The following FUT9 variants were observed in gnomAD, a reference collection of about 807,000 sequenced individuals.
The protein encoded by FUT9 is 4-galactosyl-N-acetylglucosaminide 3-alpha-L-fucosyltransferase 9.
Under a neutral mutation model 29.7 loss-of-function variants are expected in FUT9, and 15 were observed. The observed-to-expected ratio is 0.51, with a 90% CI of 0.34 to 0.78. FUT9 has a LOEUF of 0.78. Ranked by LOEUF, FUT9 falls within the 30% of genes least tolerant of loss-of-function variation. FUT9 has a pLI of 0.01. For synonymous variants in FUT9, 169 were observed against 153.7 expected (o/e 1.10, Z -0.74); for missense variants, 319 against 425.4 (o/e 0.75, Z 2.20).
At chr6:96,188,425 G>A (rs1773443573) in intron 2 of FUT9, among the ~76,000 whole-genome samples, 1 of 152,018 alleles carries the variant, frequency 6.6e-6, no homozygotes, top group Non-Finnish European at 1.5e-5. Flanking sequence ...GCCTTCCAAA[G>A]TGCTGGGATT....
chr6:96,079,709 C>A (rs899653880), intron 1 of FUT9, among the ~76,000 whole-genome samples: 5 of 151,940 alleles, frequency 3.3e-5, no homozygotes, highest in African/African-American at 1.2e-4. Flanking sequence ...AAAAACATCA[C>A]CTCCATCAGA....
At chr6:96,017,031 G>A (rs1769992894) in intron 1 of FUT9, among the ~76,000 whole-genome samples, 1 of 152,216 alleles carries the variant, frequency 6.6e-6, no homozygotes, top group South Asian at 2.1e-4. Flanking sequence ...ACCTGTTCCT[G>A]CGGAATTGGT....
intron 2 of FUT9, among the ~76,000 whole-genome samples, chr6:96,179,826 A>T (rs1773273417): frequency 6.6e-6 from 1 of 152,128 alleles, no homozygotes; most frequent in African/African-American, 2.4e-5. Context: ...TGAGTTTCTT[A>T]ATCTCGTACA....
At chr6:96,092,279 G>A (rs912031840) in intron 1 of FUT9, among the ~76,000 whole-genome samples, 5 of 152,026 alleles carry the variant, frequency 3.3e-5, no homozygotes, top group Admixed American at 2.0e-4. Flanking sequence ...ACATAATACT[G>A]AGTGCACCAG....
intron 1 of FUT9, among the ~76,000 whole-genome samples, chr6:96,063,412 GGA>G (rs1250395279): frequency 6.6e-6 from 1 of 152,072 alleles, no homozygotes; most frequent in Non-Finnish European, 1.5e-5. Flanking sequence ...CAGGAACAAG[GGA>G]GAGAGTATGG....
chr6:96,028,691 T>C (rs1467894869), intron 1 of FUT9, among the ~76,000 whole-genome samples: 1 of 151,522 alleles, frequency 6.6e-6, no homozygotes, highest in East Asian at 1.9e-4. Context: ...AATAGACAAT[T>C]AGCAAGTGAC....
chr6:96,104,385 A>G (rs1771640329), intron 1 of FUT9, among the ~76,000 whole-genome samples: 2 of 152,166 alleles, frequency 1.3e-5, no homozygotes, highest in Admixed American at 1.3e-4. Flanking sequence ...TTGATACTTT[A>G]TTTTAATTTT....
intron 2 of FUT9, among the ~76,000 whole-genome samples, chr6:96,136,603 A>G (rs1257031709): frequency 6.6e-6 from 1 of 151,972 alleles, no homozygotes; most frequent in Non-Finnish European, 1.5e-5. Flanking sequence ...CTATGTATCC[A>G]TTGAGTGATC....
At chr6:96,192,262 T>C (rs777257249) in intron 2 of FUT9, among the ~76,000 whole-genome samples, 41 of 152,158 alleles carry the variant, frequency 2.7e-4, no homozygotes, top group Non-Finnish European at 4.9e-4. Context: ...GAAGTCAAAT[T>C]GTCACTGTTT....
chr6:96,167,443 A>T (rs75697386), intron 2 of FUT9, among the ~76,000 whole-genome samples: 2,966 of 152,252 alleles, frequency 0.019, 86 homozygotes, highest in African/African-American at 0.067. Flanking sequence ...TGGAAATTGC[A>T]AATATAGCTA....
chr6:96,106,213 C>CCCTTCCTTCCTTCCTTCTTT (rs1771681626), intron 1 of FUT9, among the ~76,000 whole-genome samples: 1 of 137,142 alleles, frequency 7.3e-6, no homozygotes, highest in African/African-American at 2.6e-5. Flanking sequence ...AATCCATCAA[C>CCCTTCCTTCCTTCCTTCTTT]CCTTCCTTCC....
intron 1 of FUT9, among the ~76,000 whole-genome samples, chr6:96,016,932 G>A (rs1344191642): frequency 6.6e-6 from 1 of 152,190 alleles, no homozygotes; most frequent in Admixed American, 6.5e-5. Flanking sequence ...TGTTATTGTT[G>A]TTTTAAAGCG....
rs1562168046 is a variant in FUT9, at chr6:96,210,494, C to G, written c.*6259C>G. 1 of 166,744 alleles carries G rather than the reference C, an allele frequency of 6.0e-6. No individual in the cohort carries two copies. The highest frequency in any genetic ancestry group is 2.4e-5 in the African/African-American group (1 of 41,404). The allele number at this position is 166,744 out of a possible 1,614,324, so 10.3% of individuals were successfully genotyped here. ...TTAGTTTGAGGAAGAGCCCAGAAGTCTAACAGGTGTAAATGTTCCACAGGT... is the reference window on the plus strand; with the variant it reads ...TTAGTTTGAGGAAGAGCCCAGAAGTGTAACAGGTGTAAATGTTCCACAGGT... On this transcript the variant is annotated 3_prime_UTR_variant, in exon 3 of 3. Coordinates refer to ENST00000302103, the MANE Select transcript of FUT9 (RefSeq NM_006581.4).
chr6:96,128,514 G>T (rs1772173563), intron 2 of FUT9, among the ~76,000 whole-genome samples: 1 of 152,098 alleles, frequency 6.6e-6, no homozygotes, highest in Admixed American at 6.5e-5. Flanking sequence ...TTGATTCCAG[G>T]TGAAGCAAGT....
At chr6:96,119,483 A>C (rs745512229) in intron 2 of FUT9, among the ~76,000 whole-genome samples, 9 of 152,192 alleles carry the variant, frequency 5.9e-5, no homozygotes, top group Non-Finnish European at 1.3e-4. Context: ...CTCAGAACAT[A>C]TCTCCATCTT....
chr6:96,094,936 C>G (rs1464040846), intron 1 of FUT9, among the ~76,000 whole-genome samples: 1 of 152,050 alleles, frequency 6.6e-6, no homozygotes, highest in African/African-American at 2.4e-5. Flanking sequence ...GATTTTGGTG[C>G]ACCCATCTCC....
chr6:96,171,071 CAGA>C (rs1773104412), intron 2 of FUT9, among the ~76,000 whole-genome samples: 1 of 152,086 alleles, frequency 6.6e-6, no homozygotes, highest in South Asian at 2.1e-4. Flanking sequence ...TCCTAAGAAA[CAGA>C]AGTGCAGAAC....
At chr6:96,027,463 G>C (rs1219528069) in intron 1 of FUT9, among the ~76,000 whole-genome samples, 3 of 151,350 alleles carry the variant, frequency 2.0e-5, no homozygotes, top group African/African-American at 7.3e-5. Flanking sequence ...CTTGCGTTCA[G>C]ATAGATGTCT....
chr6:96,170,164 A>T (rs17056349), intron 2 of FUT9, among the ~76,000 whole-genome samples: 22,369 of 152,134 alleles, frequency 0.15, 1,822 homozygotes, highest in Non-Finnish European at 0.18. Flanking sequence ...TTGCCATTCG[A>T]AACTTTTCTT....
Sources: gnomAD v4.1 joint callset for allele counts (sites outside exome capture counted in the v4.1 genomes callset) on GRCh38, gnomAD v4.1.1 for gene constraint, MANE v1.5 for transcripts, NCBI Gene and HGNC (gene_info 2026-07-23, HGNC 2026-07-21) for gene names.